Variants in ZNF607 observed in about 807,000 individuals in gnomAD.
The protein encoded by ZNF607 is zinc finger protein 607.
A neutral mutation model predicts 12.8 loss-of-function variants in ZNF607; 5 were observed. The ratio of observed to expected loss-of-function variants is 0.39; its 90% CI spans 0.20 to 0.82. The LOEUF (loss-of-function observed/expected upper bound fraction) is 0.82, where lower values mean the gene tolerates loss of function less well. ZNF607 is among the 40% of genes least tolerant of loss of function. The probability of loss-of-function intolerance (pLI) is 0.39; values close to 1 mark genes in which losing one functional copy is unlikely to be tolerated. For missense variants in ZNF607, 851 were observed against 859.2 expected (o/e 0.99, Z 0.12); for synonymous variants, 287 against 276.2 (o/e 1.04, Z -0.39).
chr19:37,698,268 T>G lies in ZNF607; in HGVS notation c.1863A>C (p.Arg621Ser). 6.2e-7 allele frequency: 1 copy of G among 1,614,182 alleles called. No individual in the cohort carries two copies. ...HTSDKPYECK[R>S]CGKAFHCASY... ...AGGCACAGTGAAATGCCTTCCCACATCTTTTACATTCATAGGGTTTATCAC... is the reference window on the plus strand; with the variant it reads ...AGGCACAGTGAAATGCCTTCCCACAGCTTTTACATTCATAGGGTTTATCAC... Residue 621 changes from arginine to serine, a missense_variant, in exon 5 of 5, where the codon AGA (arginine) becomes AGC (serine). Coordinates refer to ENST00000355202, the MANE Select transcript of ZNF607 (RefSeq NM_032689.5).
At chr19:37,714,161 A>G (rs1048580821) in intron 1 of ZNF607, among the ~76,000 whole-genome samples, 5 of 152,158 alleles carry the variant, frequency 3.3e-5, no homozygotes, top group East Asian at 3.9e-4. Context: ...TCTACTAAAA[A>G]TACAAAAAAA....
intron 1 of ZNF607, among the ~76,000 whole-genome samples, chr19:37,714,864 G>A (rs1427903978): frequency 6.6e-6 from 1 of 151,940 alleles, no homozygotes; most frequent in African/African-American, 2.4e-5. Flanking sequence ...TCATTAATCC[G>A]TTATTATAAA....
At chr19:37,706,960 G>A (rs533817424) in intron 4 of ZNF607, among the ~76,000 whole-genome samples, 2 of 152,206 alleles carry the variant, frequency 1.3e-5, no homozygotes, top group East Asian at 1.9e-4. Flanking sequence ...CAAGTAACTG[G>A]GATTATAGGC....
At chr19:37,703,510 T>G (rs1218320231) in intron 4 of ZNF607, among the ~76,000 whole-genome samples, 1 of 152,026 alleles carries the variant, frequency 6.6e-6, no homozygotes, top group African/African-American at 2.4e-5. Context: ...AGAAAATAAC[T>G]AATGTTGAAG....
intron 1 of ZNF607, chr19:37,719,043 C>T (rs557271814): frequency 1.3e-5 from 2 of 152,418 alleles, no homozygotes; most frequent in South Asian, 4.1e-4. Flanking sequence ...CTCTTCTAAG[C>T]TTCTCATCCT....
In ZNF607 at chr19:37,719,662, G is replaced by A. The variant is rs960509511; in HGVS notation, c.-468C>T. ...AGGACCGCAGGTACCGGTGAGAAAT[G>A]GAGTCCAGAATCCTAAAAACCTACG... On this transcript the variant is annotated 5_prime_UTR_variant, in exon 1 of 5. Coordinates refer to ENST00000355202, the MANE Select transcript of ZNF607 (RefSeq NM_032689.5). 2 of 152,356 alleles carry A rather than the reference G, an allele frequency of 1.3e-5. No individual in the cohort carries two copies. Among genetic ancestry groups the A allele is most frequent in the Non-Finnish European group, 2.9e-5 (2 of 68,134 alleles). The allele number at this position is 152,356 out of a possible 1,614,324, so 9.4% of individuals were successfully genotyped here. A position where few individuals can be genotyped will look rare whatever the true frequency, so the allele number is the denominator to read the frequency against.
At chr19:37,703,453 A>C (rs2145230731) in intron 4 of ZNF607, among the ~76,000 whole-genome samples, 1 of 152,220 alleles carries the variant, frequency 6.6e-6, no homozygotes, top group East Asian at 1.9e-4. Context: ...CCATCACCTC[A>C]CACCCATCAG....
intron 3 of ZNF607, among the ~76,000 whole-genome samples, chr19:37,708,555 A>AAC (rs1279153421): frequency 2.6e-5 from 4 of 151,550 alleles, no homozygotes; most frequent in South Asian, 4.2e-4. Flanking sequence ...AGTGGTTGAA[A>AAC]ACACATACTC....
chr19:37,706,864 T>C (rs566320702), intron 4 of ZNF607, among the ~76,000 whole-genome samples: 1 of 149,378 alleles, frequency 6.7e-6, no homozygotes, highest in African/African-American at 2.5e-5. Context: ...TAATTTTTCA[T>C]ATTTAGGTTG....
chr19:37,696,479 A>C lies in ZNF607; in HGVS notation c.*1561T>G, dbSNP rs1443814609. ...AATTCTTTGTTTTTTAGAGATCTGA[A>C]GTGATTTTACCTTTACTTCCTTCAC... On this transcript the variant is annotated 3_prime_UTR_variant, in exon 5 of 5. Transcript: ENST00000355202. The C allele has an allele frequency of 2.9e-6, 1 of 341,534 alleles. No individual in the cohort carries two copies. The highest frequency in any genetic ancestry group is 5.5e-6 in the Non-Finnish European group (1 of 182,898). The allele number at this position is 341,534 out of a possible 1,614,324, so 21.2% of individuals were successfully genotyped here.
At position 37,699,374 on chromosome 19, in the gene ZNF607, A is replaced by G; in HGVS notation, c.757T>C (p.Phe253Leu). 1 of 1,614,106 alleles carries G rather than the reference A, an allele frequency of 6.2e-7. No individual in the cohort carries two copies. The highest frequency in any genetic ancestry group is 1.1e-5 in the South Asian group (1 of 91,082). Residue 253 changes from phenylalanine to leucine, a missense_variant, in exon 5 of 5, where the codon TTT becomes CTT. Transcript: ENST00000355202. ...HQSIHTGEKP[F>L]ECNKCGKSFR... ...GACTTCCCACATTTGTTACATTCAA[A>G]GGGCTTCTCACCAGTGTGAATACTC... is the stretch of plus-strand genomic sequence containing the variant.
Position 37,698,282 on chromosome 19 carries a change from A to C in ZNF607, c.1849T>G (p.Tyr617Asp). Reference sequence around the variant, plus strand: ...GCCTTCCCACATCTTTTACATTCATAGGGTTTATCACTGGTATGAATTCTC... The same window carrying C: ...GCCTTCCCACATCTTTTACATTCATCGGGTTTATCACTGGTATGAATTCTC... ...HERIHTSDKP[Y>D]ECKRCGKAFH... The change falls in exon 5 of 5, where the codon TAT (tyrosine) becomes GAT (aspartate). Residue 617 changes from tyrosine (Y) to aspartate (D), a missense_variant. Coordinates refer to ENST00000355202, the MANE Select transcript of ZNF607 (RefSeq NM_032689.5). 6.2e-7 allele frequency: 1 copy of C among 1,614,186 alleles called. No homozygotes were observed. The highest frequency in any genetic ancestry group is 8.5e-7 in the Non-Finnish European group (1 of 1,180,032).
Position 37,698,368 on chromosome 19 carries a change from G to A in ZNF607, c.1763C>T (p.Ser588Phe). ...YHDRTHAGEK[S>F]YECKECGETF... ...TTCCCCACATTCTTTACATTCATAG[G>A]ACTTTTCACCAGCATGAGTTCGGTC... The change falls in exon 5 of 5, where the codon TCC becomes TTC. Residue 588 changes from serine (S) to phenylalanine (F), a missense_variant. By Grantham distance (155) the Ser-to-Phe change is radical. Transcript: ENST00000355202. The A allele has an allele frequency of 3.1e-6, 5 of 1,614,062 alleles. No homozygotes were observed. The highest frequency in any genetic ancestry group is 4.2e-6 in the Non-Finnish European group (5 of 1,179,992).
Position 37,699,190 on chromosome 19 carries a change from C to T in ZNF607, c.941G>A (p.Cys314Tyr). 1 of 1,614,144 alleles carries T rather than the reference C, an allele frequency of 6.2e-7. No homozygotes were observed. Among genetic ancestry groups the T allele is most frequent in the East Asian group, 2.2e-5 (1 of 44,880 alleles). The change falls in exon 5 of 5, where the codon TGC becomes TAC. Residue 314 changes from cysteine (C) to tyrosine (Y), a missense_variant. Cys to Tyr is a radical substitution (Grantham distance 194, BLOSUM62 -2). Transcript: ENST00000355202. ...TGEKPYECKE[C>Y]GKGFTCRYQL... ...ATACCTACATGTAAAGCCCTTCCCG[C>T]ATTCCTTGCATTCATAGGGTTTTTC... is the stretch of plus-strand genomic sequence containing the variant.
chr19:37,696,780 CT>C lies in ZNF607; in HGVS notation c.*1259del. ...GTGAGTTGGCGATCAGCTCAGCTGC[CT>C]TGGAGTCACCCTCAGCAGAGATGAT... On this transcript the variant is annotated 3_prime_UTR_variant, in exon 5 of 5. Transcript: ENST00000355202. 2 of 1,347,922 alleles carry C rather than the reference CT, an allele frequency of 1.5e-6. No homozygotes were observed. Among genetic ancestry groups the C allele is most frequent in the Non-Finnish European group, 2.1e-6 (2 of 945,676 alleles). 83.5% of individuals were successfully genotyped at this position (1,347,922 alleles called of 1,614,324 possible).
rs551446871 is a variant in ZNF607 at position 37,705,574 on chromosome 19, G to A, written c.235+2340C>T. On this transcript the variant is annotated intron_variant, in intron 4 of 4. Transcript: ENST00000355202. ...ATGGTGGGCGCTTATAGTCTCAGCC[G>A]CTTAGGAGGCTGAGGCAGGAGAATC... 2.6e-5 allele frequency among the ~76,000 whole-genome samples: 4 copies of A among 151,062 alleles called. No homozygotes were observed. The South Asian group carries it at 6.3e-4, about 24-fold the overall frequency.
chr19:37,706,259 AAAAAG>A (rs1378328436), intron 4 of ZNF607: 2 of 151,610 alleles, frequency 1.3e-5, no homozygotes, highest in Admixed American at 6.6e-5. Flanking sequence ...AAAGGAGAGG[AAAAAG>A]GAAAGGAAAG....
Position 37,698,035 on chromosome 19 carries a change from C to A in ZNF607, c.*5G>T. On this transcript the variant is annotated 3_prime_UTR_variant, in exon 5 of 5. Coordinates refer to ENST00000355202, the MANE Select transcript of ZNF607 (RefSeq NM_032689.5). ...TTACTACCTGTATATGCCACAATTT[C>A]TCTATCAAATATGAATTCTCTGATG... The A allele has an allele frequency of 6.4e-7, 1 of 1,573,342 alleles. No homozygotes were observed. The highest frequency in any genetic ancestry group is 1.2e-5 in the South Asian group (1 of 83,448).
At chr19:37,711,009 G>A (rs2909096) in intron 2 of ZNF607, among the ~76,000 whole-genome samples, 4,088 of 152,196 alleles carry the variant, frequency 0.027, 190 homozygotes, top group African/African-American at 0.092. Context: ...ATCTTACCAT[G>A]AGCATTTTTG....
Sources: allele counts gnomAD v4.1 joint callset (sites outside exome capture counted in the v4.1 genomes callset), GRCh38; gene constraint gnomAD v4.1.1; transcripts MANE v1.5; gene names NCBI Gene and HGNC (gene_info 2026-07-23, HGNC 2026-07-21).